GPHB5: variants seen among roughly 807,000 people sequenced by gnomAD.
GPHB5 encodes the protein glycoprotein hormone beta-5.
GPHB5 carries 7 observed loss-of-function variants against 10.1 expected under a neutral mutation model. The ratio of observed to expected loss-of-function variants is 0.69; its 90% CI spans 0.39 to 1.30. The LOEUF (loss-of-function observed/expected upper bound fraction) is 1.30. GPHB5 is among the 50% of genes most tolerant of loss of function. GPHB5 has a pLI of 0.01. For synonymous variants in GPHB5, 68 were observed against 70.1 expected (o/e 0.97, Z 0.15); for missense variants, 161 against 169.8 (o/e 0.95, Z 0.29).
chr14:63,315,436 T>TTATC (rs1882756037), intron 2 of GPHB5, among the ~76,000 whole-genome samples: 1 of 152,220 alleles, frequency 6.6e-6, no homozygotes, highest in African/African-American at 2.4e-5. Context: ...TATTTATTAT[T>TTATC]TATCTTAAAT....
Position 63,318,820 on chromosome 14 carries a change from T to A in GPHB5, c.-2+4A>T, listed in dbSNP as rs550293370. 6.6e-6 allele frequency: 1 copy of A among 152,358 alleles called. No homozygotes were observed. Among genetic ancestry groups the A allele is most frequent in the East Asian group, 1.9e-4 (1 of 5,192 alleles). 9.4% of individuals were successfully genotyped at this position (152,358 alleles called of 1,614,324 possible). ...TGAGGTTACAAATACGGAGAAGCACTTACCTAATCTTGCAGGAGCCCACTC... is the reference window on the plus strand; with the variant it reads ...TGAGGTTACAAATACGGAGAAGCACATACCTAATCTTGCAGGAGCCCACTC... On this transcript the variant is annotated splice_donor_region_variant and intron_variant, in intron 1 of 2. Coordinates refer to ENST00000621500, the MANE Select transcript of GPHB5 (RefSeq NM_145171.4).
rs754122238 is a variant in GPHB5, at chr14:63,313,032, G to A, written c.289C>T (p.Pro97Ser). Reference sequence around the variant, plus strand: ...GGGTCGACTCCCGGGGCACAGTTGGGCAGCTTGACAGTCACCTGTTTGGTC... The same window carrying A: ...GGGTCGACTCCCGGGGCACAGTTGGACAGCTTGACAGTCACCTGTTTGGTC... ...NETKQVTVKLPNCAPGVDPFY... is the reference protein window; with the variant it reads ...NETKQVTVKLSNCAPGVDPFY... The change falls in exon 3 of 3, where the codon CCC becomes TCC. Residue 97 changes from proline (P) to serine (S), a missense_variant. Transcript: ENST00000621500. 13 of 1,602,406 alleles carry A rather than the reference G, an allele frequency of 8.1e-6. No individual in the cohort carries two copies. The South Asian group carries it at 1.5e-4, about 18-fold the overall frequency.
chr14:63,317,793 A>G lies in GPHB5; in HGVS notation c.57T>C (p.Tyr19=). The G allele has an allele frequency of 6.2e-7, 1 of 1,614,088 alleles. No homozygotes were observed. Among genetic ancestry groups the G allele is most frequent in the Middle Eastern group, 1.6e-4 (1 of 6,062 alleles). ...GPMALLLLAG[Y]GCVLGASSGN... ...CACTGGAGGCACCGAGGACACAGCC[A>G]TAGCCAGCCAGAAGGAGGAGGGCCA... is the stretch of plus-strand genomic sequence containing the variant. The change falls in exon 2 of 3, where the codon TAT becomes TAC. Residue 19 remains tyrosine (Y), a synonymous_variant. Coordinates refer to ENST00000621500, the MANE Select transcript of GPHB5 (RefSeq NM_145171.4).
In GPHB5 at chr14:63,313,089, C is replaced by A. The variant is rs762390276; in HGVS notation, c.232G>T (p.Glu78Ter). Residue 78 changes from glutamate to a stop codon, truncating the protein, a stop_gained, in exon 3 of 3, where the codon GAA becomes TAA. Transcript: ENST00000621500. LOFTEE classifies it high-confidence loss of function. ...TAGGTACAGACTCGATGATGGGCTT[C>A]AATATAGGGGGGTTCCAGAATGGGT... is the stretch of plus-strand genomic sequence containing the variant. ...EKPILEPPYI[E>*]AHHRVCTYNE... 6.2e-7 allele frequency: 1 copy of A among 1,603,978 alleles called. No homozygotes were observed. The highest frequency in any genetic ancestry group is 1.1e-5 in the South Asian group (1 of 88,698).
rs369232899 is a variant in GPHB5 at position 63,313,091 on chromosome 14, A to G, written c.230T>C (p.Ile77Thr). 10 of 1,603,218 alleles carry G rather than the reference A, an allele frequency of 6.2e-6. No individual in the cohort carries two copies. In the East Asian group the frequency reaches 9.0e-5, roughly 14 times the overall value. The change falls in exon 3 of 3, where the codon ATT becomes ACT. Residue 77 changes from isoleucine to threonine, a missense_variant. Transcript: ENST00000621500. Reference protein sequence around the residue: ...WEKPILEPPYIEAHHRVCTYN... With the variant: ...WEKPILEPPYTEAHHRVCTYN... ...GGTACAGACTCGATGATGGGCTTCA[A>G]TATAGGGGGGTTCCAGAATGGGTTT...
intron 2 of GPHB5, among the ~76,000 whole-genome samples, chr14:63,315,238 GA>G (rs1276462449): frequency 3.9e-5 from 6 of 152,120 alleles, no homozygotes; most frequent in Non-Finnish European, 8.8e-5. Flanking sequence ...ACAAAGACCA[GA>G]AGAGCTGAAT....
At chr14:63,318,100 T>C (rs1465317927) in intron 1 of GPHB5, among the ~76,000 whole-genome samples, 2 of 152,374 alleles carry the variant, frequency 1.3e-5, no homozygotes, top group Admixed American at 6.5e-5. Context: ...CTTTTCCTTA[T>C]TGTAACTTAA....
intron 2 of GPHB5, among the ~76,000 whole-genome samples, chr14:63,316,289 C>T (rs1478989300): frequency 1.3e-5 from 2 of 152,190 alleles, no homozygotes. Flanking sequence ...TCTGGGTCCC[C>T]AAAGAGAAGG....
intron 2 of GPHB5, among the ~76,000 whole-genome samples, chr14:63,316,869 T>C (rs1882779618): frequency 6.6e-6 from 1 of 152,130 alleles, no homozygotes; most frequent in African/African-American, 2.4e-5. Flanking sequence ...CAGCACTTCA[T>C]TGGTTACCAA....
Position 63,317,834 on chromosome 14 carries a change from G to A in GPHB5, c.16C>T (p.Leu6Phe). 1 of 1,614,066 alleles carries A rather than the reference G, an allele frequency of 6.2e-7. No individual in the cohort carries two copies. The highest frequency in any genetic ancestry group is 1.1e-5 in the South Asian group (1 of 91,084). The change falls in exon 2 of 3, where the codon CTC becomes TTC. Residue 6 changes from leucine (L) to phenylalanine (F), a missense_variant. Leu to Phe is a conservative substitution (Grantham distance 22, BLOSUM62 0). Transcript: ENST00000621500. MKLAFLFLGPMALLLL... is the reference protein window; with the variant it reads MKLAFFFLGPMALLLL... ...AGGAGGGCCATGGGGCCAAGGAAGA[G>A]GAATGCCAGCTTCATGCTGCTCTTC...
At chr14:63,315,640 C>T (rs1882759153) in intron 2 of GPHB5, among the ~76,000 whole-genome samples, 2 of 152,232 alleles carry the variant, frequency 1.3e-5, no homozygotes, top group South Asian at 4.1e-4. Flanking sequence ...TCATCATGAA[C>T]ATCCTTATTT....
chr14:63,313,048 C>T lies in GPHB5; in HGVS notation c.273G>A (p.Gln91=), dbSNP rs1381323119. 4 of 1,606,004 alleles carry T rather than the reference C, an allele frequency of 2.5e-6. No individual in the cohort carries two copies. Among genetic ancestry groups the T allele is most frequent in the Non-Finnish European group, 3.4e-6 (4 of 1,176,284 alleles). ...CACAGTTGGGCAGCTTGACAGTCAC[C>T]TGTTTGGTCTCGTTGTAGGTACAGA... ...HRVCTYNETK[Q]VTVKLPNCAP... The change falls in exon 3 of 3, where the codon CAG becomes CAA. Residue 91 remains glutamine, a synonymous_variant. Coordinates refer to ENST00000621500, the MANE Select transcript of GPHB5 (RefSeq NM_145171.4).
intron 2 of GPHB5, among the ~76,000 whole-genome samples, chr14:63,315,830 G>C (rs1882761744): frequency 1.3e-5 from 2 of 152,206 alleles, no homozygotes; most frequent in South Asian, 4.1e-4. Context: ...GGAGAATCTT[G>C]TTCTTTAACG....
chr14:63,313,669 C>G (rs575104104), intron 2 of GPHB5, among the ~76,000 whole-genome samples: 151 of 152,270 alleles, frequency 9.9e-4, no homozygotes, highest in African/African-American at 3.3e-3. Context: ...TCTGACCCAC[C>G]AGGAACAGCC....
chr14:63,317,855 T>C lies in GPHB5; in HGVS notation c.-1-5A>G. On this transcript the variant is annotated splice_region_variant and splice_polypyrimidine_tract_variant and intron_variant, in intron 1 of 2. Coordinates refer to ENST00000621500, the MANE Select transcript of GPHB5 (RefSeq NM_145171.4). ...AAGAGGAATGCCAGCTTCATGCTGC[T>C]CTTCCGGAGAGGGAAAGGACAGAGT... 19 of 1,613,720 alleles carry C rather than the reference T, an allele frequency of 1.2e-5. No individual in the cohort carries two copies. Among genetic ancestry groups the C allele is most frequent in the Non-Finnish European group, 1.6e-5 (19 of 1,179,654 alleles).
Position 63,312,924 on chromosome 14 carries a change from G to A in GPHB5, c.*4C>T, listed in dbSNP as rs753041439. On this transcript the variant is annotated 3_prime_UTR_variant, in exon 3 of 3. Transcript: ENST00000621500. ...GGTGGGTCTGCAGAGAGCAGCTAGC[G>A]GCCTCAGATGGTCTCACACTCCGTG... The A allele has an allele frequency of 4.3e-5, 66 of 1,551,228 alleles. No homozygotes were observed. Among genetic ancestry groups the A allele is most frequent in the Non-Finnish European group, 4.9e-5 (56 of 1,146,772 alleles).
Position 63,318,868 on chromosome 14 carries a change from A to G in GPHB5, c.-46T>C, listed in dbSNP as rs952648766. The G allele has an allele frequency of 3.3e-5, 5 of 152,246 alleles. No individual in the cohort carries two copies. Among genetic ancestry groups the G allele is most frequent in the African/African-American group, 1.2e-4 (5 of 41,462 alleles). The allele number at this position is 152,246 out of a possible 1,614,324, so 9.4% of individuals were successfully genotyped here. On this transcript the variant is annotated 5_prime_UTR_variant, in exon 1 of 3. Transcript: ENST00000621500. ...CTCTTCTTTTAGAGCTGAAACTTGC[A>G]CTAAGATTTCAGGAAGTCACAATGA...
rs11304179 is a variant in GPHB5 at position 63,314,426 on chromosome 14, AT to A, written c.205-1311del. ...AGTAAATGTTCAAAAAATGCAATCC[AT>A]TTTTTTTTTTTTTGAGACGGAGTCT... On this transcript the variant is annotated intron_variant, in intron 2 of 2. Coordinates refer to ENST00000621500, the MANE Select transcript of GPHB5 (RefSeq NM_145171.4). Among the ~76,000 whole-genome samples the A allele has an allele frequency of 5.5e-3, 787 of 143,850 alleles. 4 individuals carry two copies. Among genetic ancestry groups the A allele is most frequent in the East Asian group, 0.015 (76 of 4,948 alleles). The allele number at this position is 143,850 out of a possible 152,430, so 94.4% of individuals were successfully genotyped here.
At chr14:63,313,518 C>T (rs944165506) in intron 2 of GPHB5, among the ~76,000 whole-genome samples, 2 of 152,190 alleles carry the variant, frequency 1.3e-5, no homozygotes, top group African/African-American at 4.8e-5. Flanking sequence ...TCCCATCTCA[C>T]TCAGAACAAA....
Sources: allele counts gnomAD v4.1 joint callset (sites outside exome capture counted in the v4.1 genomes callset), GRCh38; gene constraint gnomAD v4.1.1; transcripts MANE v1.5; gene names NCBI Gene and HGNC (gene_info 2026-07-23, HGNC 2026-07-21).